CA11: variants seen among roughly 807,000 people sequenced by gnomAD.
CA11 encodes carbonic anhydrase-related protein 11.
CA11 carries 20 observed loss-of-function variants against 39.3 expected under a neutral mutation model. The ratio of observed to expected loss-of-function variants is 0.51; its 90% CI spans 0.36 to 0.74. The LOEUF (loss-of-function observed/expected upper bound fraction) is 0.74, where lower values mean the gene tolerates loss of function less well. CA11 is among the 30% of genes least tolerant of loss of function. The pLI is 0.00. For synonymous variants in CA11, 166 were observed against 172.5 expected, an observed-to-expected ratio of 0.96 and a Z score of 0.29; for missense variants, 336 against 424.6, an observed-to-expected ratio of 0.79 and a Z score of 1.83.
intron 8 of CA11, chr19:48,638,464 GA>G: frequency 1.3e-6 from 1 of 777,948 alleles, no homozygotes; most frequent in Non-Finnish European, 1.7e-6. Flanking sequence ...GAGGTGGAGG[GA>G]AGGGGTTGTA....
At chr19:48,638,375 G>GGA in intron 8 of CA11, 1 of 82,604 alleles carries the variant, frequency 1.2e-5, no homozygotes, top group Non-Finnish European at 1.3e-5. Flanking sequence ...AGGTCTTCAT[G>GGA]GGGGGGGGGG....
At chr19:48,641,773 T>TAG (rs1180410243) in intron 3 of CA11, among the ~76,000 whole-genome samples, 2 of 151,738 alleles carry the variant, frequency 1.3e-5, no homozygotes, top group Non-Finnish European at 1.5e-5. Flanking sequence ...GCCTCTCAAG[T>TAG]AGCTGGGACC....
At chr19:48,640,365 GTC>G in intron 3 of CA11, 85 bp from the exon 4 acceptor site, 44 of 469,532 alleles carry the variant, frequency 9.4e-5, no homozygotes, top group Non-Finnish European at 1.3e-4. Flanking sequence ...GATTCCAACA[GTC>G]TTTTTTTTTT....
At chr19:48,639,493 G>T in intron 6 of CA11, 34 bp from the exon 7 acceptor site, 1 of 1,613,652 alleles carries the variant, frequency 6.2e-7, no homozygotes, top group Non-Finnish European at 8.5e-7. Context: ...AAAGAGGGAT[G>T]GCACTCTTGA....
chr19:48,639,977 T>A, intron 4 of CA11, 94 bp from the exon 5 acceptor site: 1 of 1,504,634 alleles, frequency 6.6e-7, no homozygotes, highest in Non-Finnish European at 9.2e-7. Context: ...GGATTAGTGC[T>A]TAGGGTGGGA....
chr19:48,638,244 G>C (rs1319382183), intron 8 of CA11, 100 bp from the exon 9 acceptor site: 14 of 1,201,912 alleles, frequency 1.2e-5, no homozygotes, highest in Non-Finnish European at 1.5e-5. Flanking sequence ...CCCTACCGTC[G>C]GAAGTCTGCG....
chr19:48,638,433 G>A, intron 8 of CA11: 1 of 1,019,646 alleles, frequency 9.8e-7, no homozygotes, highest in Non-Finnish European at 1.2e-6. Context: ...TGAGATTCCT[G>A]GGCTAAACCA....
chr19:48,638,827 A>T (rs2030947259), intron 8 of CA11, 61 bp downstream of exon 8: 1 of 1,464,722 alleles, frequency 6.8e-7, no homozygotes, highest in Non-Finnish European at 9.1e-7. Context: ...TGAGACACCA[A>T]GGGGAGACAC....
intron 7 of CA11, 21 bp from the exon 8 acceptor site, chr19:48,639,074 G>A: frequency 6.2e-7 from 1 of 1,613,410 alleles, no homozygotes; most frequent in Admixed American, 1.7e-5. Context: ...AGGAGGGTGG[G>A]AAACTGGGAG....
In CA11 at chr19:48,639,471, T is replaced by TCAGGCCAG. The variant is rs921968093; in HGVS notation, c.641-20_641-13dup. ...AAAGTAGGCATCATCTGCGGGAATA[T>TCAGGCCAG]CAGGCCAGAGTAAAGAGGGATGGCA... On this transcript the variant is annotated splice_polypyrimidine_tract_variant and intron_variant, in intron 6 of 8. Transcript: ENST00000084798. 2.1e-5 allele frequency: 34 copies of TCAGGCCAG among 1,613,802 alleles called. No homozygotes were observed. In the Admixed American group the frequency reaches 4.5e-4, roughly 21 times the overall value.
chr19:48,644,584 G>A lies in CA11; in HGVS notation c.143-15C>T, dbSNP rs754962988. The A allele has an allele frequency of 2.2e-5, 34 of 1,548,818 alleles. No individual in the cohort carries two copies. Among genetic ancestry groups the A allele is most frequent in the Non-Finnish European group, 2.5e-5 (29 of 1,144,598 alleles). On this transcript the variant is annotated splice_polypyrimidine_tract_variant and intron_variant, in intron 2 of 8. Transcript: ENST00000084798. ...GAAAGGAGGCCCTGGGGGTGGGGTC[G>A]GAGTAGGAGGACAAGGAGTCAGAAA...
intron 3 of CA11, among the ~76,000 whole-genome samples, chr19:48,641,823 C>CTTTTTTTTTTTTTTT (rs71179023): frequency 2.2e-5 from 2 of 92,290 alleles, no homozygotes; most frequent in South Asian, 3.7e-4. Context: ...TTTCAATTTT[C>CTTTTTTTTTTTTTTT]TTTTTTTTTT....
chr19:48,644,475 A>G lies in CA11; in HGVS notation c.237T>C (p.Leu79=). The change falls in exon 3 of 9, where the codon CTT becomes CTC. Residue 79 remains leucine (L), a synonymous_variant. Coordinates refer to ENST00000084798, the MANE Select transcript of CA11 (RefSeq NM_001217.5). The stretch of plus-strand genomic sequence containing the variant: ...TTAATGGGGGCAGAAAGGGGTCATA[A>G]AGAACCCTCTTCAGCTCCACATCCA... ...SPVDVELKRV[L]YDPFLPPLRL... is the part of the protein sequence containing the mutation. 6.2e-7 allele frequency: 1 copy of G among 1,611,488 alleles called. No homozygotes were observed. Among genetic ancestry groups the G allele is most frequent in the Non-Finnish European group, 8.5e-7 (1 of 1,178,266 alleles).
In CA11 at chr19:48,638,240, C is replaced by G. The variant is rs982617117; in HGVS notation, c.962-96G>C. ...TGGGCTGCGCCGCGCTGGGCCCTAC[C>G]GTCGGAAGTCTGCGAGCGGGGAACC... On this transcript the variant is annotated intron_variant, in intron 8 of 8. Coordinates refer to ENST00000084798, the MANE Select transcript of CA11 (RefSeq NM_001217.5). The G allele has an allele frequency of 1.1e-5, 13 of 1,202,052 alleles. No individual in the cohort carries two copies. In the African/African-American group the frequency reaches 2.1e-4, roughly 19 times the overall value. 74.5% of individuals were successfully genotyped at this position (1,202,052 alleles called of 1,614,324 possible).
chr19:48,638,941 C>T lies in CA11; in HGVS notation c.908G>A (p.Arg303Lys), dbSNP rs2030956169. ...PLAHRALRGN[R>K]DPRHPERRCR... Reference sequence around the variant, plus strand: ...GCGCCTCTCGGGGTGCCGGGGGTCCCTGTTGCCCCTCAGTGCCCTGTGGGC... The same window carrying T: ...GCGCCTCTCGGGGTGCCGGGGGTCCTTGTTGCCCCTCAGTGCCCTGTGGGC... Residue 303 changes from arginine (R) to lysine (K), a missense_variant, in exon 8 of 9, where the codon AGG (arginine) becomes AAG (lysine). Arg to Lys is a conservative substitution (Grantham distance 26, BLOSUM62 2). Transcript: ENST00000084798. The T allele has an allele frequency of 1.2e-6, 2 of 1,610,946 alleles. No individual in the cohort carries two copies. Among genetic ancestry groups the T allele is most frequent in the Non-Finnish European group, 8.5e-7 (1 of 1,179,058 alleles).
In CA11 at chr19:48,639,043, AG is replaced by A; in HGVS notation, c.805del (p.Leu269Ter). ...TGGAGGATTCTGGCTCAGGAGTCTC[AG>A]GGAGTGCATCTGCAGTGGAAGGAGG... The part of the protein sequence containing the change: ...LNITSLQMHS[L>X]RLLSQNPPSQ... On this transcript the variant is annotated frameshift_variant, in exon 8 of 9. Coordinates refer to ENST00000084798, the MANE Select transcript of CA11 (RefSeq NM_001217.5). LOFTEE classifies it high-confidence loss of function. 1 of 1,613,894 alleles carries A rather than the reference AG, an allele frequency of 6.2e-7. No individual in the cohort carries two copies. The highest frequency in any genetic ancestry group is 8.5e-7 in the Non-Finnish European group (1 of 1,179,924).
At chr19:48,645,018 T>TA (rs1450149508) in intron 2 of CA11, among the ~76,000 whole-genome samples, 14 of 152,204 alleles carry the variant, frequency 9.2e-5, no homozygotes, top group African/African-American at 3.1e-4. Context: ...TTCTTTTTTT[T>TA]AATCGCTCTT....
At chr19:48,639,700 G>A (rs914151921) in intron 5 of CA11, 79 bp from the exon 6 acceptor site, 1 of 1,582,454 alleles carries the variant, frequency 6.3e-7, no homozygotes, top group African/African-American at 1.3e-5. Context: ...GGACCCAGGA[G>A]TCTGGGCCTC....
chr19:48,639,493 G>A (rs2030994641), intron 6 of CA11, 34 bp from the exon 7 acceptor site: 2 of 1,613,534 alleles, frequency 1.2e-6, no homozygotes, highest in Admixed American at 3.3e-5. Flanking sequence ...AAAGAGGGAT[G>A]GCACTCTTGA....
Sources: gnomAD v4.1 joint callset for allele counts (sites outside exome capture counted in the v4.1 genomes callset) on GRCh38, gnomAD v4.1.1 for gene constraint, MANE v1.5 for transcripts, NCBI Gene and HGNC (gene_info 2026-07-23, HGNC 2026-07-21) for gene names.